FMN2: variants seen among roughly 807,000 people sequenced by gnomAD.
FMN2 encodes the protein formin-2.
Under a neutral mutation model 142.3 loss-of-function variants are expected in FMN2, and 51 were observed. The observed-to-expected ratio is 0.36, with a 90% CI of 0.29 to 0.45. The LOEUF (loss-of-function observed/expected upper bound fraction) is 0.45. Among genes scored for constraint, FMN2 ranks in the 20% least tolerant of loss-of-function variants. The probability of loss-of-function intolerance (pLI) is 1.00; values close to 1 mark genes in which losing one functional copy is unlikely to be tolerated. For missense variants in FMN2, 1,936 were observed against 2,122.8 expected, an observed-to-expected ratio of 0.91 and a Z score of 1.73; for synonymous variants, 882 against 869.8, an observed-to-expected ratio of 1.01 and a Z score of -0.25.
At chr1:240,366,734 A>G (rs1258932877) in intron 14 of FMN2, among the ~76,000 whole-genome samples, 1 of 152,046 alleles carries the variant, frequency 6.6e-6, no homozygotes, top group Non-Finnish European at 1.5e-5. Flanking sequence ...CATTTTTAGT[A>G]GAGGGGGGGT....
At chr1:240,429,892 TTTG>T (rs1182337179) in intron 15 of FMN2, among the ~76,000 whole-genome samples, 3,498 of 136,088 alleles carry the variant, frequency 0.026, 154 homozygotes, top group African/African-American at 0.12. Flanking sequence ...TTGTTTTTTT[TTTG>T]TTTTTTTTGA....
At chr1:240,301,300 C>T (rs1670188173) in intron 8 of FMN2, among the ~76,000 whole-genome samples, 2 of 151,662 alleles carry the variant, frequency 1.3e-5, no homozygotes, top group Non-Finnish European at 2.9e-5. Flanking sequence ...AACCTTGACT[C>T]CATATAGGGC....
chr1:240,145,041 T>C, intron 2 of FMN2: 6 of 1,393,666 alleles, frequency 4.3e-6, no homozygotes, highest in Non-Finnish European at 6.1e-6. Flanking sequence ...GGGGCCATGT[T>C]CTCATACATT....
At chr1:240,438,960 C>G (rs1384556419) in intron 16 of FMN2, among the ~76,000 whole-genome samples, 1 of 152,064 alleles carries the variant, frequency 6.6e-6, no homozygotes, top group Non-Finnish European at 1.5e-5. Flanking sequence ...AGTAACTTTG[C>G]TTTAGATCTT....
At chr1:240,233,509 A>G (rs1466642709) in intron 6 of FMN2, among the ~76,000 whole-genome samples, 1 of 152,224 alleles carries the variant, frequency 6.6e-6, no homozygotes, top group East Asian at 1.9e-4. Flanking sequence ...TTAATTCCAC[A>G]GAAGTCATCT....
chr1:240,394,335 C>T (rs1673703083), intron 15 of FMN2, among the ~76,000 whole-genome samples: 1 of 152,196 alleles, frequency 6.6e-6, no homozygotes, highest in Non-Finnish European at 1.5e-5. Flanking sequence ...ACCATTGAGC[C>T]TGTTTCAATT....
rs77817168 is a variant in FMN2, at chr1:240,297,902, G to C, written c.4215+3019G>C. Among the ~76,000 whole-genome samples the C allele has an allele frequency of 5.3e-3, 813 of 152,192 alleles. 25 individuals carry two copies. Among genetic ancestry groups the C allele is most frequent in the East Asian group, 0.037 (189 of 5,160 alleles). On this transcript the variant is annotated intron_variant, in intron 8 of 17. Coordinates refer to ENST00000319653, the MANE Select transcript of FMN2 (RefSeq NM_020066.5). ...GCCCTCTTCCAGGTTCACAGACTGC[G>C]GTGTTCTTGCTGTAACCTCACATGG...
chr1:240,170,283 G>T, intron 2 of FMN2: 1 of 1,132,704 alleles, frequency 8.8e-7, no homozygotes, highest in Admixed American at 1.7e-5. Context: ...TTTGAATCAA[G>T]ATCATTGCCA....
intron 15 of FMN2, among the ~76,000 whole-genome samples, chr1:240,419,256 C>T (rs79964025): frequency 6.6e-6 from 1 of 152,118 alleles, no homozygotes; most frequent in Non-Finnish European, 1.5e-5. Context: ...TCCTGGTTAA[C>T]CTAATCTTGT....
chr1:240,255,569 G>T (rs1668427804), intron 6 of FMN2, among the ~76,000 whole-genome samples: 1 of 152,168 alleles, frequency 6.6e-6, no homozygotes, highest in Admixed American at 6.5e-5. Flanking sequence ...AGCTGTAATT[G>T]GCAGGACTTG....
At chr1:240,436,290 G>C (rs980455735) in intron 15 of FMN2, among the ~76,000 whole-genome samples, 1 of 152,156 alleles carries the variant, frequency 6.6e-6, no homozygotes, top group African/African-American at 2.4e-5. Context: ...TAATACCTGA[G>C]ATCCACACAT....
intron 16 of FMN2, among the ~76,000 whole-genome samples, chr1:240,467,842 A>G (rs889599480): frequency 2.0e-5 from 3 of 152,228 alleles, no homozygotes; most frequent in Non-Finnish European, 4.4e-5. Context: ...AAATATTAAA[A>G]TAAACATCAA....
intron 2 of FMN2, chr1:240,144,180 T>C: frequency 2.0e-6 from 3 of 1,469,408 alleles, no homozygotes; most frequent in Non-Finnish European, 2.9e-6. Context: ...CTTGTTCTTG[T>C]AAAGCCATTT....
intron 6 of FMN2, among the ~76,000 whole-genome samples, chr1:240,255,244 A>G (rs1668411454): frequency 6.6e-6 from 1 of 152,010 alleles, no homozygotes. Flanking sequence ...CTTGAATTCC[A>G]ATGTTCTCTC....
chr1:240,419,432 G>T (rs374820808), intron 15 of FMN2, among the ~76,000 whole-genome samples: 8 of 152,200 alleles, frequency 5.3e-5, no homozygotes, highest in South Asian at 2.1e-4. Context: ...AAAAGTGTGA[G>T]GGTTATTCCT....
At chr1:240,460,822 A>G (rs1676425664) in intron 16 of FMN2, among the ~76,000 whole-genome samples, 2 of 152,092 alleles carry the variant, frequency 1.3e-5, no homozygotes. Context: ...ATGTTATGCT[A>G]CCTCCAAACA....
intron 3 of FMN2, among the ~76,000 whole-genome samples, chr1:240,183,471 A>G (rs535654388): frequency 4.0e-5 from 6 of 148,154 alleles, no homozygotes; most frequent in Non-Finnish European, 8.9e-5. Context: ...TATAAATTGA[A>G]TATATATTAT....
intron 7 of FMN2, among the ~76,000 whole-genome samples, chr1:240,289,057 G>A (rs933690905): frequency 2.0e-5 from 3 of 152,308 alleles, no homozygotes; most frequent in Non-Finnish European, 2.9e-5. Flanking sequence ...AAGCCCCTAA[G>A]CTTTGGTGTA....
At chr1:240,240,271 A>G (rs748602840) in intron 6 of FMN2, among the ~76,000 whole-genome samples, 1 of 152,042 alleles carries the variant, frequency 6.6e-6, no homozygotes, top group Non-Finnish European at 1.5e-5. Flanking sequence ...TGGATATGTG[A>G]CCTTGAACAG....
Sources: allele counts gnomAD v4.1 joint callset (sites outside exome capture counted in the v4.1 genomes callset), GRCh38; gene constraint gnomAD v4.1.1; transcripts MANE v1.5; gene names NCBI Gene and HGNC (gene_info 2026-07-23, HGNC 2026-07-21).